The following OTUB1 variants were observed in gnomAD, a reference collection of about 807,000 sequenced individuals.
The protein encoded by OTUB1 is ubiquitin thioesterase OTUB1.
OTUB1 carries 10 observed loss-of-function variants against 35.8 expected under a neutral mutation model. The observed-to-expected ratio is 0.28, with a 90% CI of 0.17 to 0.47. The LOEUF is 0.47. Ranked by LOEUF, OTUB1 falls within the 20% of genes least tolerant of loss-of-function variation. The pLI is 0.99. For synonymous variants in OTUB1, 158 were observed against 143.8 expected (o/e 1.10, Z -0.71); for missense variants, 264 against 351.6 (o/e 0.75, Z 1.99).
At chr11:63,993,457 T>G (rs916297069) in intron 3 of OTUB1, among the ~76,000 whole-genome samples, 1 of 150,300 alleles carries the variant, frequency 6.7e-6, no homozygotes, top group Non-Finnish European at 1.5e-5. Context: ...AGGGCAGGAG[T>G]TCAAAACCAG....
At chr11:63,996,974 T>C (rs1482173141) in intron 5 of OTUB1, 33 bp downstream of exon 5, 2 of 1,613,412 alleles carry the variant, frequency 1.2e-6, no homozygotes, top group Non-Finnish European at 1.7e-6. Context: ...GGCTGGGCCA[T>C]GGGGGAGGGG....
chr11:63,997,985 C>A lies in OTUB1; in HGVS notation c.*439C>A, dbSNP rs942143040. The A allele has an allele frequency of 1.9e-5, 11 of 567,672 alleles. No homozygotes were observed. The highest frequency in any genetic ancestry group is 6.4e-5 in the Admixed American group (2 of 31,330). 35.2% of individuals were successfully genotyped at this position (567,672 alleles called of 1,614,324 possible). ...ACTTCATCTGCTCCCTCATAGGCCCCACCTCCACGTCCCGGCTGGGCCCCA... is the reference window on the plus strand; with the variant it reads ...ACTTCATCTGCTCCCTCATAGGCCCAACCTCCACGTCCCGGCTGGGCCCCA... On this transcript the variant is annotated 3_prime_UTR_variant, in exon 7 of 7. Coordinates refer to ENST00000538426, the MANE Select transcript of OTUB1 (RefSeq NM_017670.3).
intron 3 of OTUB1, among the ~76,000 whole-genome samples, chr11:63,992,867 G>T (rs1246521226): frequency 6.6e-6 from 1 of 151,718 alleles, no homozygotes; most frequent in Non-Finnish European, 1.5e-5. Flanking sequence ...TGTATTTTTA[G>T]TAGAGGCGGG....
At chr11:63,996,717 G>A (rs145651935) in intron 4 of OTUB1, 69 bp downstream of exon 4, 71 of 1,613,030 alleles carry the variant, frequency 4.4e-5, no homozygotes, top group Admixed American at 1.3e-4. Context: ...AGTAGGATGT[G>A]TCTCGAGTAG....
Position 63,997,490 on chromosome 11 carries a change from G to A in OTUB1, c.760G>A (p.Glu254Lys), listed in dbSNP as rs754453978. ...TCCGCACATCTTCCCTGAGGGCTCC[G>A]AGCCCAAGGTCTACCTTCTCTACCG... ...TNPHIFPEGS[E>K]PKVYLLYRPG... The change falls in exon 7 of 7, where the codon GAG (glutamate) becomes AAG (lysine). Residue 254 changes from glutamate to lysine, a missense_variant. By Grantham distance (56) the Glu-to-Lys change is moderately conservative. This residue lies in a region of OTUB1 where 214 missense variants were observed against 317.1 expected (regional missense o/e 0.67). Coordinates refer to ENST00000538426, the MANE Select transcript of OTUB1 (RefSeq NM_017670.3). 8.1e-6 allele frequency: 13 copies of A among 1,613,976 alleles called. No homozygotes were observed. The highest frequency in any genetic ancestry group is 6.6e-5 in the South Asian group (6 of 91,088).
rs924940220 is a variant in OTUB1 at position 63,997,761 on chromosome 11, C to G, written c.*215C>G. On this transcript the variant is annotated 3_prime_UTR_variant, in exon 7 of 7. Coordinates refer to ENST00000538426, the MANE Select transcript of OTUB1 (RefSeq NM_017670.3). ...CTGGCTGCTCTGTCTGCTGCCCCCT[C>G]CCCCCAGGTGGGTCCCCCTGCTTTT... 4.6e-5 allele frequency: 32 copies of G among 701,898 alleles called. No homozygotes were observed. The Admixed American group carries it at 6.2e-4, about 14-fold the overall frequency. 43.5% of individuals were successfully genotyped at this position (701,898 alleles called of 1,614,324 possible). A position where few individuals can be genotyped will look rare whatever the true frequency, so the allele number is the denominator to read the frequency against.
At chr11:63,988,543 G>C (rs1942640962) in intron 2 of OTUB1, 111 bp from the exon 3 acceptor site, 3 of 1,246,874 alleles carry the variant, frequency 2.4e-6, no homozygotes, top group Admixed American at 3.4e-5. Context: ...CTTTTCTGGG[G>C]GTCGCTGTGC....
In OTUB1 at chr11:63,997,743, C is replaced by CTCTG; in HGVS notation, c.*202_*205dup. 1 of 703,376 alleles carries CTCTG rather than the reference C, an allele frequency of 1.4e-6. No individual in the cohort carries two copies. 43.6% of individuals were successfully genotyped at this position (703,376 alleles called of 1,614,324 possible). ...CCCTGCTCTGCTGCCCGCCTGGCTG[C>CTCTG]TCTGTCTGCTGCCCCCTCCCCCCAG... On this transcript the variant is annotated 3_prime_UTR_variant, in exon 7 of 7. Transcript: ENST00000538426.
chr11:63,990,886 C>T lies in OTUB1; in HGVS notation c.219+2134C>T, dbSNP rs138366005. Among the ~76,000 whole-genome samples the T allele has an allele frequency of 1.7e-4, 26 of 152,294 alleles. No homozygotes were observed. In the East Asian group the frequency reaches 5.0e-3, roughly 29 times the overall value. On this transcript the variant is annotated intron_variant, in intron 3 of 6. Coordinates refer to ENST00000538426, the MANE Select transcript of OTUB1 (RefSeq NM_017670.3). ...GAAATGGGAGTGTCCATACCATTGT[C>T]TCCAGATCTGTTTTTCCAAGAGAAG...
At chr11:63,993,230 AGTT>A (rs1027389938) in intron 3 of OTUB1, among the ~76,000 whole-genome samples, 3 of 152,152 alleles carry the variant, frequency 2.0e-5, no homozygotes, top group African/African-American at 7.2e-5. Flanking sequence ...GGGGAGGAGC[AGTT>A]GTTCGGAGGT....
At chr11:63,995,508 T>TA (rs1353759819) in intron 3 of OTUB1, among the ~76,000 whole-genome samples, 1 of 152,080 alleles carries the variant, frequency 6.6e-6, no homozygotes, top group Non-Finnish European at 1.5e-5. Flanking sequence ...TTATTTTTTT[T>TA]AGAGAGACGG....
intron 3 of OTUB1, among the ~76,000 whole-genome samples, chr11:63,995,334 T>C (rs777153702): frequency 6.6e-6 from 1 of 152,070 alleles, no homozygotes; most frequent in Non-Finnish European, 1.5e-5. Flanking sequence ...GTAGCTGGGA[T>C]TACAGGCATG....
chr11:63,992,553 T>G (rs1182435600), intron 3 of OTUB1, among the ~76,000 whole-genome samples: 1 of 151,748 alleles, frequency 6.6e-6, no homozygotes, highest in African/African-American at 2.4e-5. Flanking sequence ...ACTTTTCTTT[T>G]TTTTTGAGAG....
chr11:63,988,302 C>T, intron 1 of OTUB1, 35 bp from the exon 2 acceptor site: 1 of 1,536,832 alleles, frequency 6.5e-7, no homozygotes, highest in Non-Finnish European at 8.8e-7. Flanking sequence ...ATGGCCAGGA[C>T]CCCCTGTAAT....
At chr11:63,989,463 A>C (rs1014781153) in intron 3 of OTUB1, 1 of 152,118 alleles carries the variant, frequency 6.6e-6, no homozygotes, top group Non-Finnish European at 1.5e-5. Context: ...ACGGTGGCTC[A>C]CGCCTGTAAT....
chr11:63,996,582 G>A lies in OTUB1; in HGVS notation c.272G>A (p.Cys91Tyr). Reference protein sequence around the residue: ...YIRKTRPDGNCFYRAFGFSHL... With the variant: ...YIRKTRPDGNYFYRAFGFSHL... The stretch of plus-strand genomic sequence containing the variant: ...CGCAAGACCAGGCCTGACGGCAACT[G>A]TTTCTATCGGGCTTTCGGATTCTCC... Residue 91 changes from cysteine (C) to tyrosine (Y), a missense_variant, in exon 4 of 7, where the codon TGT becomes TAT. Transcript: ENST00000538426. 1 of 1,614,238 alleles carries A rather than the reference G, an allele frequency of 6.2e-7. No individual in the cohort carries two copies. The highest frequency in any genetic ancestry group is 8.5e-7 in the Non-Finnish European group (1 of 1,180,034).
At chr11:63,992,278 G>C (rs1251213283) in intron 3 of OTUB1, among the ~76,000 whole-genome samples, 1 of 152,058 alleles carries the variant, frequency 6.6e-6, no homozygotes, top group East Asian at 1.9e-4. Flanking sequence ...CTTGGTGAAG[G>C]CCTTGCTGAT....
Position 63,990,597 on chromosome 11 carries a change from A to AATAAAT in OTUB1, c.219+1846_219+1847insTAAATA, listed in dbSNP as rs1555002839. On this transcript the variant is annotated intron_variant, in intron 3 of 6. Coordinates refer to ENST00000538426, the MANE Select transcript of OTUB1 (RefSeq NM_017670.3). ...GAGACCTGTCTCTTAAAAAAATAAA[A>AATAAAT]AAATAAATAAATAAATAAATAAATA... 4.0e-4 allele frequency: 58 copies of AATAAAT among 144,898 alleles called. No individual in the cohort carries two copies. The East Asian group carries it at 4.7e-3, about 12-fold the overall frequency. The allele number at this position is 144,898 out of a possible 1,614,324, so 9.0% of individuals were successfully genotyped here.
At position 63,996,574 on chromosome 11, in the gene OTUB1, C is replaced by T. The variant is rs780782680; in HGVS notation, c.264C>T (p.Asp88=). ...CGTACATCCGCAAGACCAGGCCTGA[C>T]GGCAACTGTTTCTATCGGGCTTTCG... is the stretch of plus-strand genomic sequence containing the variant. The part of the protein sequence containing the change: ...KYSYIRKTRP[D]GNCFYRAFGF... The change falls in exon 4 of 7, where the codon GAC becomes GAT. Residue 88 remains aspartate, a synonymous_variant. Transcript: ENST00000538426. The T allele has an allele frequency of 3.2e-5, 51 of 1,614,216 alleles. No homozygotes were observed. Among genetic ancestry groups the T allele is most frequent in the African/African-American group, 8.0e-5 (6 of 75,060 alleles).
Sources: allele counts gnomAD v4.1 joint callset (sites outside exome capture counted in the v4.1 genomes callset), GRCh38; gene constraint gnomAD v4.1.1; regional missense constraint gnomAD v4.1.1; transcripts MANE v1.5; gene names NCBI Gene and HGNC (gene_info 2026-07-23, HGNC 2026-07-21).